Variants in OTUD7A observed in about 807,000 individuals in gnomAD.
The protein encoded by OTUD7A is OTU deubiquitinase 7A.
Under a neutral mutation model 65.7 loss-of-function variants are expected in OTUD7A, and 12 were observed. The observed-to-expected ratio is 0.18, with a 90% CI of 0.12 to 0.30. OTUD7A has a LOEUF of 0.30. Ranked by LOEUF, OTUD7A falls within the 10% of genes least tolerant of loss-of-function variation. The pLI is 1.00. For synonymous variants in OTUD7A, 641 were observed against 586.3 expected (o/e 1.09, Z -1.35); for missense variants, 1,148 against 1,304.8 (o/e 0.88, Z 1.85).
chr15:31,798,184 G>T (rs1896022891), intron 1 of OTUD7A, among the ~76,000 whole-genome samples: 1 of 152,108 alleles, frequency 6.6e-6, no homozygotes, highest in South Asian at 2.1e-4. Flanking sequence ...GGTAACGTTA[G>T]GACATCAACA....
At chr15:31,780,292 T>C (rs1326307016) in intron 1 of OTUD7A, among the ~76,000 whole-genome samples, 1 of 150,750 alleles carries the variant, frequency 6.6e-6, no homozygotes, top group Non-Finnish European at 1.5e-5. Context: ...TACATGTATA[T>C]ATGCATTTTT....
At chr15:31,502,424 T>C (rs1284339887) in intron 9 of OTUD7A, among the ~76,000 whole-genome samples, 1 of 152,234 alleles carries the variant, frequency 6.6e-6, no homozygotes, top group African/African-American at 2.4e-5. Context: ...TCTGGAAATA[T>C]CTGTCCTAAA....
intron 1 of OTUD7A, among the ~76,000 whole-genome samples, chr15:31,867,642 G>T (rs1897912382): frequency 6.6e-6 from 1 of 152,186 alleles, no homozygotes; most frequent in South Asian, 2.1e-4. Context: ...GCACATTCAC[G>T]CCATGACCAG....
At chr15:31,637,564 T>C (rs1179378736) in intron 3 of OTUD7A, among the ~76,000 whole-genome samples, 2 of 152,210 alleles carry the variant, frequency 1.3e-5, no homozygotes, top group African/African-American at 2.4e-5. Flanking sequence ...ACTTAAGAAA[T>C]ACATTTTATA....
At chr15:31,757,368 C>T (rs1337513408) in intron 1 of OTUD7A, among the ~76,000 whole-genome samples, 10 of 149,124 alleles carry the variant, frequency 6.7e-5, no homozygotes, top group Admixed American at 1.3e-4. Flanking sequence ...TATATATATA[C>T]GTTTATATAT....
chr15:31,576,795 T>C (rs1889215943), intron 3 of OTUD7A, among the ~76,000 whole-genome samples: 1 of 152,196 alleles, frequency 6.6e-6, no homozygotes, highest in Admixed American at 6.5e-5. Flanking sequence ...AAACTGTGTA[T>C]ATCGTAAACT....
chr15:31,535,801 C>T (rs896063740), intron 5 of OTUD7A, among the ~76,000 whole-genome samples: 4 of 151,726 alleles, frequency 2.6e-5, no homozygotes, highest in African/African-American at 4.8e-5. Context: ...TTCAGCCTCC[C>T]GAGTAGCTGG....
chr15:31,727,070 T>G (rs1474541033), intron 1 of OTUD7A, among the ~76,000 whole-genome samples: 4 of 152,322 alleles, frequency 2.6e-5, no homozygotes, highest in Middle Eastern at 6.8e-3. Context: ...GAGCAGGTGC[T>G]AGGTCCAAGC....
intron 3 of OTUD7A, among the ~76,000 whole-genome samples, chr15:31,577,995 A>G (rs1386912259): frequency 6.6e-6 from 1 of 152,206 alleles, no homozygotes; most frequent in East Asian, 1.9e-4. Context: ...TACTGCCTCA[A>G]TGACTAGTCT....
chr15:31,745,523 C>G (rs1272640860), intron 1 of OTUD7A, among the ~76,000 whole-genome samples: 1 of 152,100 alleles, frequency 6.6e-6, no homozygotes, highest in East Asian at 1.9e-4. Context: ...CCTAATGCCA[C>G]AAACAAAGAT....
In OTUD7A at chr15:31,656,275, G is replaced by A. The variant is rs1891989031; in HGVS notation, c.-5+708C>T. On this transcript the variant is annotated intron_variant, in intron 2 of 12. Coordinates refer to ENST00000307050, the MANE Select transcript of OTUD7A (RefSeq NM_001382637.1). ...GTGAATGGTGCTGGGGCCCCAGTGG[G>A]TGCTCAATCTTTGCCGGTGGAGTGC... 3.3e-5 allele frequency among the ~76,000 whole-genome samples: 5 copies of A among 152,242 alleles called. No individual in the cohort carries two copies. In the South Asian group the frequency reaches 1.0e-3, roughly 31 times the overall value.
At chr15:31,647,009 A>G (rs1327143265) in intron 3 of OTUD7A, among the ~76,000 whole-genome samples, 2 of 152,200 alleles carry the variant, frequency 1.3e-5, no homozygotes, top group African/African-American at 4.8e-5. Context: ...GAGAGGGAGT[A>G]TCTTAGAATT....
intron 1 of OTUD7A, among the ~76,000 whole-genome samples, chr15:31,740,553 C>A (rs1595738659): frequency 6.6e-6 from 1 of 151,576 alleles, no homozygotes; most frequent in Admixed American, 6.6e-5. Context: ...GGGGGTGAGA[C>A]AAAGTGGTGA....
At chr15:31,486,202 C>G (rs1224335169) in intron 12 of OTUD7A, among the ~76,000 whole-genome samples, 1 of 152,222 alleles carries the variant, frequency 6.6e-6, no homozygotes, top group East Asian at 1.9e-4. Context: ...ACTGCCATCA[C>G]TCCCCATGTG....
chr15:31,510,996 ATGTATAT>A lies in OTUD7A; in HGVS notation c.894-7185_894-7179del. Among the ~76,000 whole-genome samples the A allele has an allele frequency of 2.4e-5, 2 of 84,238 alleles. 1 individual carries two copies. The highest frequency in any genetic ancestry group is 1.2e-4 in the African/African-American group (2 of 16,538). The allele number at this position is 84,238 out of a possible 152,430, so 55.3% of individuals were successfully genotyped here. ...ACATATGTATATCTATATGTAACAT[ATGTATAT>A]CTATATGTAACATACATGTATATCT... On this transcript the variant is annotated intron_variant, in intron 8 of 12. Coordinates refer to ENST00000307050, the MANE Select transcript of OTUD7A (RefSeq NM_001382637.1).
intron 3 of OTUD7A, among the ~76,000 whole-genome samples, chr15:31,588,043 C>T (rs574661593): frequency 6.6e-6 from 1 of 152,004 alleles, no homozygotes; most frequent in Admixed American, 6.6e-5. Context: ...CAGAAATGCC[C>T]GTACATCTGC....
chr15:31,581,220 T>C (rs928137269), intron 3 of OTUD7A, among the ~76,000 whole-genome samples: 9 of 152,266 alleles, frequency 5.9e-5, no homozygotes, highest in Non-Finnish European at 1.2e-4. Flanking sequence ...TGGGTTCCCA[T>C]GGTCTTGGGC....
intron 1 of OTUD7A, among the ~76,000 whole-genome samples, chr15:31,844,870 G>A (rs1897261512): frequency 6.6e-6 from 1 of 152,170 alleles, no homozygotes; most frequent in Admixed American, 6.5e-5. Context: ...TGTCACTCAG[G>A]GCCCTGCTTA....
chr15:31,739,139 G>A (rs1894270464), intron 1 of OTUD7A, among the ~76,000 whole-genome samples: 1 of 152,176 alleles, frequency 6.6e-6, no homozygotes, highest in African/African-American at 2.4e-5. Flanking sequence ...GTATTGTTAT[G>A]CCACTCATCT....
Sources: gnomAD v4.1 joint callset for allele counts (sites outside exome capture counted in the v4.1 genomes callset) on GRCh38, gnomAD v4.1.1 for gene constraint, MANE v1.5 for transcripts, NCBI Gene and HGNC (gene_info 2026-07-23, HGNC 2026-07-21) for gene names.